The following SPOCK3 variants were observed in gnomAD, a reference collection of about 807,000 sequenced individuals.
The protein encoded by SPOCK3 is testican-3.
Under a neutral mutation model 56.6 loss-of-function variants are expected in SPOCK3, and 30 were observed. That is an observed-to-expected ratio of 0.53 (90% confidence interval 0.40 to 0.72). SPOCK3 has a LOEUF of 0.72. SPOCK3 is among the 30% of genes least tolerant of loss of function. The pLI is 0.00. For synonymous variants in SPOCK3, 196 were observed against 183.3 expected (o/e 1.07, Z -0.56); for missense variants, 527 against 530.0 (o/e 0.99, Z 0.06).
chr4:167,103,667 C>T (rs367795278), intron 2 of SPOCK3, among the ~76,000 whole-genome samples: 3 of 152,216 alleles, frequency 2.0e-5, no homozygotes, highest in African/African-American at 7.2e-5. Context: ...GGGAAACTCA[C>T]TGCTCTGAAG....
chr4:167,053,373 T>C (rs1472159498), intron 3 of SPOCK3, among the ~76,000 whole-genome samples: 1 of 152,098 alleles, frequency 6.6e-6, no homozygotes, highest in African/African-American at 2.4e-5. Context: ...TACCTCCTCT[T>C]TGGGAACTTT....
intron 6 of SPOCK3, among the ~76,000 whole-genome samples, chr4:166,796,583 G>A (rs931289441): frequency 2.0e-5 from 3 of 152,114 alleles, no homozygotes; most frequent in African/African-American, 7.2e-5. Flanking sequence ...ATGATGAAAT[G>A]AAGTGGTATA....
At chr4:166,783,605 C>G (rs1740414037) in intron 7 of SPOCK3, among the ~76,000 whole-genome samples, 2 of 152,056 alleles carry the variant, frequency 1.3e-5, no homozygotes, top group African/African-American at 4.8e-5. Context: ...AATCACTTAA[C>G]ACTCATTAAT....
chr4:167,171,430 C>A (rs560162890), intron 2 of SPOCK3, among the ~76,000 whole-genome samples: 1 of 152,230 alleles, frequency 6.6e-6, no homozygotes, highest in East Asian at 1.9e-4. Flanking sequence ...GCATGTAACC[C>A]ATTTCCCAAT....
intron 4 of SPOCK3, among the ~76,000 whole-genome samples, chr4:166,953,421 A>G (rs1486904926): frequency 6.6e-6 from 1 of 151,380 alleles, no homozygotes; most frequent in East Asian, 1.9e-4. Flanking sequence ...CGATCATTAA[A>G]AAGTCAGGAA....
intron 8 of SPOCK3, 65 bp downstream of exon 8, chr4:166,754,443 T>TA (rs1419370952): frequency 1.9e-6 from 3 of 1,550,936 alleles, no homozygotes; most frequent in African/African-American, 1.4e-5. Context: ...TTTATTTTCT[T>TA]AAAAAATAAG....
intron 2 of SPOCK3, among the ~76,000 whole-genome samples, chr4:167,217,564 T>C (rs1167055649): frequency 1.3e-5 from 2 of 151,936 alleles, no homozygotes; most frequent in African/African-American, 2.4e-5. Context: ...CTGGTGGGGG[T>C]GTCCTGGAAC....
chr4:167,128,335 C>G (rs989155673), intron 2 of SPOCK3, among the ~76,000 whole-genome samples: 6 of 152,188 alleles, frequency 3.9e-5, no homozygotes, highest in African/African-American at 9.6e-5. Context: ...CTTCATCTTA[C>G]TGGACCTCTC....
intron 2 of SPOCK3, among the ~76,000 whole-genome samples, chr4:167,108,978 T>TATATTTATATATATA (rs1232103403): frequency 2.2e-5 from 1 of 44,850 alleles, no homozygotes; most frequent in Admixed American, 3.8e-4. Flanking sequence ...TATATAAATA[T>TATATTTATATATATA]TATAAATATA....
At chr4:166,866,728 A>G (rs1264248888) in intron 6 of SPOCK3, among the ~76,000 whole-genome samples, 1 of 152,106 alleles carries the variant, frequency 6.6e-6, no homozygotes, top group East Asian at 1.9e-4. Context: ...GAGTATTTCA[A>G]AAGGATATAC....
At chr4:167,082,785 G>C (rs573752066) in intron 2 of SPOCK3, among the ~76,000 whole-genome samples, 1 of 138,550 alleles carries the variant, frequency 7.2e-6, no homozygotes, top group East Asian at 2.4e-4. Flanking sequence ...GGAGGGAAGG[G>C]AAGGAAGGGG....
At chr4:166,875,686 C>G (rs2126961309) in intron 6 of SPOCK3, among the ~76,000 whole-genome samples, 1 of 152,180 alleles carries the variant, frequency 6.6e-6, no homozygotes, top group African/African-American at 2.4e-5. Flanking sequence ...TGGACATAAA[C>G]TAGGAGCGGA....
chr4:167,134,771 C>T (rs1427343304), intron 2 of SPOCK3, among the ~76,000 whole-genome samples: 1 of 151,996 alleles, frequency 6.6e-6, no homozygotes, highest in East Asian at 1.9e-4. Context: ...TTATTATATT[C>T]CCCACATTGC....
Position 166,912,857 on chromosome 4 carries a change from A to C in SPOCK3, c.351-114T>G. On this transcript the variant is annotated intron_variant, in intron 4 of 10. Transcript: ENST00000357545. ...CAACTCCTGAAGATACATTAGAATC[A>C]ACAAACTATTCTCATTTTTAATTTA... The C allele has an allele frequency of 3.8e-6, 3 of 795,412 alleles. 1 individual carries two copies. The South Asian group carries it at 8.1e-5, about 21-fold the overall frequency. 49.3% of individuals were successfully genotyped at this position (795,412 alleles called of 1,614,324 possible). A position where few individuals can be genotyped will look rare whatever the true frequency, so the allele number is the denominator to read the frequency against.
intron 6 of SPOCK3, among the ~76,000 whole-genome samples, chr4:166,879,644 G>A (rs1018970453): frequency 5.3e-5 from 8 of 152,106 alleles, no homozygotes; most frequent in African/African-American, 1.7e-4. Context: ...CATTTGTACT[G>A]TGTTCTTTGA....
intron 9 of SPOCK3, among the ~76,000 whole-genome samples, chr4:166,738,322 T>C (rs10027405): frequency 0.34 from 51,360 of 151,832 alleles, 8,883 homozygotes; most frequent in East Asian, 0.45. Flanking sequence ...ATTTAGGTTC[T>C]CTTCATTTTT....
Position 166,945,427 on chromosome 4 carries a change from T to A in SPOCK3, c.351-32684A>T, listed in dbSNP as rs140038580. 3.8e-3 allele frequency among the ~76,000 whole-genome samples: 578 copies of A among 151,932 alleles called. 3 individuals carry two copies. Among genetic ancestry groups the A allele is most frequent in the African/African-American group, 0.013 (551 of 41,224 alleles). ...ACTTCCTCCCTTTCATATTTGTAACTCTGTTCTAAAACAAGAAACCAGGCT... is the reference window on the plus strand; with the variant it reads ...ACTTCCTCCCTTTCATATTTGTAACACTGTTCTAAAACAAGAAACCAGGCT... On this transcript the variant is annotated intron_variant, in intron 4 of 10. Coordinates refer to ENST00000357545, the MANE Select transcript of SPOCK3 (RefSeq NM_001040159.2).
intron 6 of SPOCK3, among the ~76,000 whole-genome samples, chr4:166,864,614 C>T (rs890883239): frequency 2.0e-5 from 3 of 151,978 alleles, no homozygotes; most frequent in Non-Finnish European, 4.4e-5. Flanking sequence ...CCACTGATCC[C>T]ACAGAAATAC....
intron 2 of SPOCK3, among the ~76,000 whole-genome samples, chr4:167,178,057 T>C (rs1193698910): frequency 6.6e-6 from 1 of 152,152 alleles, no homozygotes; most frequent in Non-Finnish European, 1.5e-5. Flanking sequence ...ACCCAGGTAA[T>C]TGAGTTCCAG....
Sources: gnomAD v4.1 joint callset for allele counts (sites outside exome capture counted in the v4.1 genomes callset) on GRCh38, gnomAD v4.1.1 for gene constraint, MANE v1.5 for transcripts, NCBI Gene and HGNC (gene_info 2026-07-23, HGNC 2026-07-21) for gene names.